SOBP: variants seen among roughly 807,000 people sequenced by gnomAD.
SOBP encodes sine oculis-binding protein homolog.
A neutral mutation model predicts 53.6 loss-of-function variants in SOBP; 4 were observed. That is an observed-to-expected ratio of 0.07 (90% CI 0.04 to 0.17). The LOEUF is 0.17. Among genes scored for constraint, SOBP ranks in the 10% least tolerant of loss-of-function variants. The pLI is 1.00. For missense variants in SOBP, 1,088 were observed against 1,204.7 expected, an observed-to-expected ratio of 0.90 and a Z score of 1.43; for synonymous variants, 584 against 522.6, an observed-to-expected ratio of 1.12 and a Z score of -1.60.
intron 5 of SOBP, among the ~76,000 whole-genome samples, chr6:107,631,811 C>A (rs957351970): frequency 2.1e-4 from 32 of 152,194 alleles, no homozygotes; most frequent in African/African-American, 7.5e-4. Flanking sequence ...TTTGAACGGG[C>A]AATTTGATGA....
intron 3 of SOBP, among the ~76,000 whole-genome samples, chr6:107,530,946 C>G (rs1295325205): frequency 6.6e-6 from 1 of 152,296 alleles, no homozygotes; most frequent in Admixed American, 6.5e-5. Flanking sequence ...TTCTTGCCTC[C>G]CTTTAAAAAA....
chr6:107,549,026 G>A (rs190901825), intron 4 of SOBP, among the ~76,000 whole-genome samples: 1 of 152,246 alleles, frequency 6.6e-6, no homozygotes, highest in East Asian at 1.9e-4. Context: ...CCAGCACTTT[G>A]GGGGGCCGAG....
chr6:107,540,795 C>G (rs1371720996), intron 4 of SOBP, among the ~76,000 whole-genome samples: 1 of 152,188 alleles, frequency 6.6e-6, no homozygotes, highest in African/African-American at 2.4e-5. Flanking sequence ...TCATTGCTAA[C>G]AGAGGTTTAG....
intron 5 of SOBP, among the ~76,000 whole-genome samples, chr6:107,609,406 T>G (rs1244975329): frequency 2.6e-5 from 4 of 152,178 alleles, no homozygotes; most frequent in African/African-American, 9.7e-5. Context: ...ATAGCCCTTA[T>G]AGACAAGAAA....
chr6:107,505,327 CT>C (rs1044937259), intron 2 of SOBP, among the ~76,000 whole-genome samples: 31 of 147,158 alleles, frequency 2.1e-4, no homozygotes, highest in Admixed American at 2.7e-4. Flanking sequence ...TCTTTTCTTT[CT>C]TTTTTTTTTT....
chr6:107,569,122 C>G lies in SOBP; in HGVS notation c.574-17958C>G, dbSNP rs1319310859. Among the ~76,000 whole-genome samples, 6 of 152,064 alleles carry G rather than the reference C, an allele frequency of 3.9e-5. No homozygotes were observed. In the East Asian group the frequency reaches 1.2e-3, roughly 29 times the overall value. ...TCCACCACTTTACCCCTTTAATATC[C>G]CAAATATACAGGGAGTTCTGAATCC... On this transcript the variant is annotated intron_variant, in intron 4 of 6. Transcript: ENST00000317357.
At chr6:107,500,821 A>G (rs774796687) in intron 1 of SOBP, among the ~76,000 whole-genome samples, 62 of 152,260 alleles carry the variant, frequency 4.1e-4, no homozygotes, top group African/African-American at 1.0e-3. Flanking sequence ...CACCACACCC[A>G]GCCTTAAATT....
chr6:107,505,044 C>T (rs967331525), intron 2 of SOBP, among the ~76,000 whole-genome samples: 5 of 152,178 alleles, frequency 3.3e-5, no homozygotes, highest in Admixed American at 6.5e-5. Flanking sequence ...TGCAAGGATA[C>T]GATGCACAAA....
In SOBP at chr6:107,490,487, C is replaced by T; in HGVS notation, c.-130C>T. The T allele has an allele frequency of 2.9e-6, 2 of 693,286 alleles. No individual in the cohort carries two copies. The highest frequency in any genetic ancestry group is 2.8e-5 in the East Asian group (1 of 35,694). The allele number at this position is 693,286 out of a possible 1,614,324, so 42.9% of individuals were successfully genotyped here. ...CCCTCCCCCTCGCGGCTCGGTCCGG[C>T]CCCGCCAGCACCGCTACCTCCGCCA... On this transcript the variant is annotated 5_prime_UTR_variant, in exon 1 of 7. Coordinates refer to ENST00000317357, the MANE Select transcript of SOBP (RefSeq NM_018013.4).
intron 6 of SOBP, among the ~76,000 whole-genome samples, chr6:107,644,075 G>A (rs1771452137): frequency 1.3e-5 from 2 of 152,204 alleles, no homozygotes; most frequent in African/African-American, 4.8e-5. Flanking sequence ...GCCAAGGCGG[G>A]TGGATCAGAC....
In SOBP at chr6:107,635,033, C is replaced by T. The variant is rs531169876; in HGVS notation, c.2189C>T (p.Ala730Val). 1.6e-5 allele frequency: 20 copies of T among 1,247,154 alleles called. No homozygotes were observed. The East Asian group carries it at 6.5e-4, about 40-fold the overall frequency. 77.3% of individuals were successfully genotyped at this position (1,247,154 alleles called of 1,614,324 possible). A position where few individuals can be genotyped will look rare whatever the true frequency, so the allele number is the denominator to read the frequency against. The change falls in exon 6 of 7, where the codon GCC (alanine) becomes GTC (valine). Residue 730 changes from alanine (A) to valine (V), a missense_variant. Around this residue, in one of 6 missense-constraint regions of SOBP, gnomAD observed 665 missense variants for 629.7 expected, o/e 1.06. Transcript: ENST00000317357. The surrounding 1 kb of genome is among the most constrained non-coding windows in gnomAD (Gnocchi z 4.5). ...CNVIVNGTRG[A>V]AAEGAKSAEP... is the part of the protein sequence containing the mutation. ...GTCATCGTGAACGGCACGCGCGGCG[C>T]CGCCGCCGAGGGCGCTAAGAGCGCG...
intron 5 of SOBP, among the ~76,000 whole-genome samples, chr6:107,623,020 A>G (rs920968676): frequency 3.3e-5 from 5 of 152,184 alleles, no homozygotes; most frequent in African/African-American, 4.8e-5. Context: ...TGATTAATCT[A>G]GGGTAGAGCT....
rs528701626 is a variant in SOBP, at chr6:107,492,224, A to G, written c.96+1512A>G. The stretch of plus-strand genomic sequence containing the variant: ...GTTGTTGTTTTTTGATGGGAACAAA[A>G]TTCAAACAGTCCATAATAACCATTC... On this transcript the variant is annotated intron_variant, in intron 1 of 6. Transcript: ENST00000317357. Among the ~76,000 whole-genome samples the G allele has an allele frequency of 2.0e-5, 3 of 152,232 alleles. No homozygotes were observed. The South Asian group carries it at 6.2e-4, about 32-fold the overall frequency.
chr6:107,597,692 A>C (rs574719057), intron 5 of SOBP, among the ~76,000 whole-genome samples: 2 of 152,342 alleles, frequency 1.3e-5, no homozygotes, highest in East Asian at 3.9e-4. Flanking sequence ...CTTAGCCTTC[A>C]TGCATTTTGA....
At chr6:107,593,348 A>G (rs1785827853) in intron 5 of SOBP, among the ~76,000 whole-genome samples, 1 of 152,182 alleles carries the variant, frequency 6.6e-6, no homozygotes, top group African/African-American at 2.4e-5. Flanking sequence ...TTTCCAGAGC[A>G]TGGGGGATCT....
chr6:107,597,367 T>C (rs1261684416), intron 5 of SOBP, among the ~76,000 whole-genome samples: 3 of 152,184 alleles, frequency 2.0e-5, no homozygotes, highest in African/African-American at 7.2e-5. Context: ...ACTTACCAGA[T>C]AGTAAGTATA....
intron 4 of SOBP, among the ~76,000 whole-genome samples, chr6:107,538,607 G>A (rs1784068693): frequency 6.6e-6 from 1 of 152,146 alleles, no homozygotes; most frequent in Non-Finnish European, 1.5e-5. Context: ...TGATTGCTTG[G>A]TTTTGCAGTG....
intron 4 of SOBP, among the ~76,000 whole-genome samples, chr6:107,576,303 G>T (rs572398699): frequency 1.3e-5 from 2 of 152,294 alleles, no homozygotes; most frequent in South Asian, 4.2e-4. Context: ...GTAAAAGTCA[G>T]GATTCTGTCC....
chr6:107,496,276 T>C (rs1453359971), intron 1 of SOBP, among the ~76,000 whole-genome samples: 2 of 152,216 alleles, frequency 1.3e-5, no homozygotes, highest in African/African-American at 4.8e-5. Flanking sequence ...ACACCTGCCA[T>C]GCCTGCCACA....
Sources: allele counts gnomAD v4.1 joint callset (sites outside exome capture counted in the v4.1 genomes callset), GRCh38; gene constraint gnomAD v4.1.1; regional missense constraint gnomAD v4.1.1; non-coding constraint Gnocchi (gnomAD v3.1); transcripts MANE v1.5; gene names NCBI Gene and HGNC (gene_info 2026-07-23, HGNC 2026-07-21).